The following ANKIB1 variants were observed in gnomAD, a reference collection of about 807,000 sequenced individuals.
ANKIB1 encodes the protein ankyrin repeat and IBR domain-containing protein 1.
A neutral mutation model predicts 122.1 loss-of-function variants in ANKIB1; 43 were observed. That is an observed-to-expected ratio of 0.35 (90% CI 0.28 to 0.45). The LOEUF is 0.45. Ranked by LOEUF, ANKIB1 falls within the 20% of genes least tolerant of loss-of-function variation. The pLI, the probability that ANKIB1 is intolerant of heterozygous loss-of-function variation, is 1.00. For synonymous variants in ANKIB1, 390 were observed against 442.0 expected, an observed-to-expected ratio of 0.88 and a Z score of 1.48; for missense variants, 992 against 1,329.5, an observed-to-expected ratio of 0.75 and a Z score of 3.95.
chr7:92,393,862 C>T (rs1360364550), intron 17 of ANKIB1, among the ~76,000 whole-genome samples: 1 of 152,000 alleles, frequency 6.6e-6, no homozygotes, highest in East Asian at 1.9e-4. Flanking sequence ...CGAGTAACTG[C>T]CAAAGTTATA....
intron 9 of ANKIB1, 40 bp downstream of exon 9, chr7:92,352,682 C>G: frequency 6.4e-7 from 1 of 1,563,870 alleles, no homozygotes; most frequent in South Asian, 1.2e-5. Context: ...AATCACCTTT[C>G]TTTCCAATAG....
intron 7 of ANKIB1, among the ~76,000 whole-genome samples, chr7:92,345,501 A>T (rs897001497): frequency 2.0e-5 from 3 of 152,236 alleles, no homozygotes; most frequent in Non-Finnish European, 2.9e-5. Context: ...GTGAATGCAG[A>T]GTTAAATGTT....
At chr7:92,300,096 G>A (rs1197316167) in intron 2 of ANKIB1, among the ~76,000 whole-genome samples, 2 of 152,074 alleles carry the variant, frequency 1.3e-5, no homozygotes, top group South Asian at 2.1e-4. Flanking sequence ...GGCATGAGCC[G>A]CCACACCTGG....
intron 1 of ANKIB1, among the ~76,000 whole-genome samples, chr7:92,248,991 G>A (rs1801263546): frequency 6.7e-6 from 1 of 148,332 alleles, no homozygotes; most frequent in African/African-American, 2.5e-5. Context: ...GGGGTCAAAC[G>A]ATTCTCCTGC....
chr7:92,267,907 G>GAAAGGAAGGGAAGGTTTTTGA (rs1585079344), intron 1 of ANKIB1, among the ~76,000 whole-genome samples: 2 of 152,230 alleles, frequency 1.3e-5, no homozygotes, highest in East Asian at 3.9e-4. Context: ...ATAATTTTTG[G>GAAAGGAAGGGAAGGTTTTTGA]AAAGGAAGGG....
chr7:92,278,851 C>T (rs939645789), intron 1 of ANKIB1, among the ~76,000 whole-genome samples: 6 of 152,012 alleles, frequency 3.9e-5, no homozygotes, highest in South Asian at 4.1e-4. Flanking sequence ...GATGTGTGTG[C>T]GAGGAGAAAG....
At chr7:92,357,505 T>TGGGC (rs1257056464) in intron 9 of ANKIB1, among the ~76,000 whole-genome samples, 33 of 152,172 alleles carry the variant, frequency 2.2e-4, no homozygotes, top group African/African-American at 7.2e-4. Flanking sequence ...AGGGCTGAGA[T>TGGGC]GGGCGGATCC....
At chr7:92,330,665 AC>A (rs1342133504) in intron 5 of ANKIB1, among the ~76,000 whole-genome samples, 1 of 151,692 alleles carries the variant, frequency 6.6e-6, no homozygotes, top group African/African-American at 2.4e-5. Context: ...ACATGCTGAA[AC>A]CCCGTCTCTA....
At chr7:92,321,012 T>A (rs1802900733) in intron 4 of ANKIB1, among the ~76,000 whole-genome samples, 1 of 152,176 alleles carries the variant, frequency 6.6e-6, no homozygotes, top group Non-Finnish European at 1.5e-5. Flanking sequence ...TGTTCTTTCC[T>A]ATGTCTGAAA....
In ANKIB1 at chr7:92,309,962, T is replaced by TATATATATAAAA. The variant is rs1030276754; in HGVS notation, c.486+2307_486+2308insTATATATAAAAA. Among the ~76,000 whole-genome samples the TATATATATAAAA allele has an allele frequency of 6.6e-4, 92 of 139,364 alleles. 2 individuals are homozygous for TATATATATAAAA. Among genetic ancestry groups the TATATATATAAAA allele is most frequent in the African/African-American group, 2.3e-3 (85 of 37,416 alleles). 91.4% of individuals were successfully genotyped at this position (139,364 alleles called of 152,430 possible). ...AAAAAAATATATATATATATATATA[T>TATATATATAAAA]AAATTAAATGCTTTAATATCTTGCT... On this transcript the variant is annotated intron_variant, in intron 3 of 19. Transcript: ENST00000265742.
At chr7:92,347,700 C>T (rs1219444331) in intron 7 of ANKIB1, among the ~76,000 whole-genome samples, 1 of 152,132 alleles carries the variant, frequency 6.6e-6, no homozygotes, top group Non-Finnish European at 1.5e-5. Context: ...AGGATAAGAG[C>T]TCAAGTTCTG....
chr7:92,318,826 T>G (rs1240612326), intron 3 of ANKIB1, among the ~76,000 whole-genome samples: 1 of 152,204 alleles, frequency 6.6e-6, no homozygotes, highest in Non-Finnish European at 1.5e-5. Flanking sequence ...TGAAAACAGC[T>G]TTACCTCAGT....
At chr7:92,341,549 C>T (rs1241770633) in intron 5 of ANKIB1, among the ~76,000 whole-genome samples, 1 of 149,898 alleles carries the variant, frequency 6.7e-6, no homozygotes, top group African/African-American at 2.4e-5. Context: ...TCATGATACA[C>T]AAATTGTTTC....
chr7:92,281,038 G>A (rs1802003515), intron 1 of ANKIB1, among the ~76,000 whole-genome samples: 1 of 152,170 alleles, frequency 6.6e-6, no homozygotes, highest in Non-Finnish European at 1.5e-5. Context: ...AAAAGGATTC[G>A]AAGCAAAATC....
intron 2 of ANKIB1, among the ~76,000 whole-genome samples, chr7:92,300,153 T>C (rs1802432629): frequency 6.6e-6 from 1 of 152,100 alleles, no homozygotes; most frequent in South Asian, 2.1e-4. Flanking sequence ...CCTAAAATAA[T>C]ATAAGAACTG....
chr7:92,246,035 G>A lies in ANKIB1; in HGVS notation c.-575G>A, dbSNP rs545000595. On this transcript the variant is annotated 5_prime_UTR_variant, in exon 1 of 20. Transcript: ENST00000265742. ...TTCACTGGACCTGCAGTCTCTCAGG[G>A]GCTGGTGGCAGGCGACTAGGAGACT... 3.5e-4 allele frequency: 93 copies of A among 266,756 alleles called. No individual in the cohort carries two copies. Among genetic ancestry groups the A allele is most frequent in the Non-Finnish European group, 6.3e-4 (86 of 136,644 alleles). 16.5% of individuals were successfully genotyped at this position (266,756 alleles called of 1,614,324 possible).
intron 1 of ANKIB1, among the ~76,000 whole-genome samples, chr7:92,291,733 C>T (rs1159609055): frequency 2.0e-5 from 3 of 151,878 alleles, no homozygotes; most frequent in East Asian, 1.9e-4. Flanking sequence ...CCCGCCACCA[C>T]GCCCGGCTAA....
chr7:92,357,472 C>T lies in ANKIB1; in HGVS notation c.1398-4713C>T, dbSNP rs1421856210. Among the ~76,000 whole-genome samples the T allele has an allele frequency of 2.6e-5, 4 of 152,066 alleles. No individual in the cohort carries two copies. The South Asian group carries it at 6.2e-4, about 24-fold the overall frequency. On this transcript the variant is annotated intron_variant, in intron 9 of 19. Coordinates refer to ENST00000265742, the MANE Select transcript of ANKIB1 (RefSeq NM_019004.2). ...AATTTAGGCCGGGCTCACTGGCTTA[C>T]GGGTATAATCCCAGCATTTTGCAGG... is the stretch of plus-strand genomic sequence containing the variant.
intron 9 of ANKIB1, among the ~76,000 whole-genome samples, chr7:92,358,640 A>G (rs1803877079): frequency 6.6e-6 from 1 of 151,668 alleles, no homozygotes; most frequent in African/African-American, 2.4e-5. Context: ...CTGACAGCAA[A>G]ACCAGTATTT....
Sources: allele counts gnomAD v4.1 joint callset (sites outside exome capture counted in the v4.1 genomes callset), GRCh38; gene constraint gnomAD v4.1.1; transcripts MANE v1.5; gene names NCBI Gene and HGNC (gene_info 2026-07-23, HGNC 2026-07-21).